The following ACP3 variants were observed in gnomAD, a reference collection of about 807,000 sequenced individuals.
ACP3 encodes prostatic acid phosphatase.
ACP3 carries 38 observed loss-of-function variants against 45.6 expected under a neutral mutation model. The ratio of observed to expected loss-of-function variants is 0.83; its 90% CI spans 0.64 to 1.09. The LOEUF is 1.09. ACP3 is among the 50% of genes least tolerant of loss of function. The probability of loss-of-function intolerance (pLI) is 0.00; values close to 1 mark genes in which losing one functional copy is unlikely to be tolerated. For missense variants in ACP3, 466 were observed against 463.2 expected, an observed-to-expected ratio of 1.01 and a Z score of -0.05; for synonymous variants, 162 against 164.7, an observed-to-expected ratio of 0.98 and a Z score of 0.13.
At chr3:132,336,552 A>C (rs55832174) in intron 4 of ACP3, among the ~76,000 whole-genome samples, 4,695 of 152,284 alleles carry the variant, frequency 0.031, 197 homozygotes, top group African/African-American at 0.099. Context: ...AATGGTTAAA[A>C]ATGAAGTTGA....
chr3:132,364,612 C>T (rs1007832184), intron 10 of ACP3, among the ~76,000 whole-genome samples: 5 of 152,188 alleles, frequency 3.3e-5, no homozygotes, highest in African/African-American at 1.2e-4. Flanking sequence ...ATTTCTTTTG[C>T]ACCTCCATTT....
chr3:132,327,514 G>GAAA (rs111653948), intron 1 of ACP3, among the ~76,000 whole-genome samples: 18 of 130,758 alleles, frequency 1.4e-4, no homozygotes, highest in African/African-American at 4.5e-4. Flanking sequence ...ACTCAGTCTC[G>GAAA]AAAAAAAAAA....
intron 1 of ACP3, among the ~76,000 whole-genome samples, chr3:132,317,780 G>GA (rs1553729354): frequency 6.6e-6 from 1 of 152,106 alleles, no homozygotes. Context: ...TTTGGTCGCT[G>GA]TTTTTTTAGG....
chr3:132,358,532 T>C lies in ACP3; in HGVS notation c.*1654T>C. 3 of 1,184,376 alleles carry C rather than the reference T, an allele frequency of 2.5e-6. No homozygotes were observed. The highest frequency in any genetic ancestry group is 3.2e-6 in the Non-Finnish European group (3 of 924,138). The allele number at this position is 1,184,376 out of a possible 1,614,324, so 73.4% of individuals were successfully genotyped here. A position where few individuals can be genotyped will look rare whatever the true frequency, so the allele number is the denominator to read the frequency against. On this transcript the variant is annotated 3_prime_UTR_variant, in exon 10 of 10. Coordinates refer to ENST00000336375, the MANE Select transcript of ACP3 (RefSeq NM_001099.5). ...ATTACCATTATGGATAAAGATGAGATGGTTTCTAGAGATGGTTTCTACTGG... is the reference window on the plus strand; with the variant it reads ...ATTACCATTATGGATAAAGATGAGACGGTTTCTAGAGATGGTTTCTACTGG...
chr3:132,328,394 T>C (rs1937339577), intron 2 of ACP3, 32 bp downstream of exon 2: 2 of 1,577,174 alleles, frequency 1.3e-6, no homozygotes, highest in South Asian at 2.2e-5. Flanking sequence ...AGATTGTTGA[T>C]GAAGCTGGGT....
chr3:132,332,066 G>A (rs2107799147), intron 3 of ACP3, 126 bp from the exon 4 acceptor site: 1 of 1,104,238 alleles, frequency 9.1e-7, no homozygotes. Flanking sequence ...TGATTCTGAT[G>A]TTAGCACAAT....
At chr3:132,349,850 C>A in intron 7 of ACP3, 70 bp from the exon 8 acceptor site, 1 of 1,128,318 alleles carries the variant, frequency 8.9e-7, no homozygotes, top group Non-Finnish European at 1.3e-6. Context: ...TATGAAGTGA[C>A]AAAAAGCTAA....
downstream of ACP3, among the ~76,000 whole-genome samples, chr3:132,362,835 C>A (rs1411663286): frequency 2.0e-5 from 3 of 152,206 alleles, no homozygotes; most frequent in African/African-American, 7.2e-5. Context: ...GTGTGGAGAG[C>A]TGAGGCTGCA....
At position 132,343,389 on chromosome 3, in the gene ACP3, C is replaced by T. The variant is rs309996; in HGVS notation, c.648+745C>T. 6.8e-3 allele frequency among the ~76,000 whole-genome samples: 1,032 copies of T among 152,308 alleles called. 8 individuals carry two copies. The highest frequency in any genetic ancestry group is 0.023 in the African/African-American group (972 of 41,560). ...GATGACACAGTTTGCCTCCATCCATCCTAAAGTTAATTGACCCAATCACAT... is the reference window on the plus strand; with the variant it reads ...GATGACACAGTTTGCCTCCATCCATTCTAAAGTTAATTGACCCAATCACAT... On this transcript the variant is annotated intron_variant, in intron 6 of 9. Coordinates refer to ENST00000336375, the MANE Select transcript of ACP3 (RefSeq NM_001099.5).
chr3:132,354,363 G>A (rs1056404718), intron 9 of ACP3, among the ~76,000 whole-genome samples: 2 of 152,088 alleles, frequency 1.3e-5, no homozygotes, highest in South Asian at 2.1e-4. Flanking sequence ...CTTGTTTTAC[G>A]ACCCTGAGTT....
rs1300786934 is a variant in ACP3, at chr3:132,352,831, A to G, written c.968+8A>G. 6.3e-7 allele frequency: 1 copy of G among 1,577,676 alleles called. No homozygotes were observed. On this transcript the variant is annotated splice_region_variant and intron_variant, in intron 9 of 9. Coordinates refer to ENST00000336375, the MANE Select transcript of ACP3 (RefSeq NM_001099.5). The stretch of plus-strand genomic sequence containing the variant: ...ATTGTACTTTGAGAAGGGGTAAGTG[A>G]CTAAGTGCTTTTCAAAATCAGTATC...
chr3:132,365,939 G>A (rs190205872), intron 10 of ACP3, among the ~76,000 whole-genome samples: 368 of 151,996 alleles, frequency 2.4e-3, no homozygotes, highest in Non-Finnish European at 3.5e-3. Flanking sequence ...GCAGTGAGCC[G>A]AGATGGTGCC....
chr3:132,332,385 A>G (rs1323726162), intron 4 of ACP3, 41 bp downstream of exon 4: 5 of 1,609,912 alleles, frequency 3.1e-6, no homozygotes, highest in Admixed American at 1.7e-5. Context: ...AGATGGACCT[A>G]GAATGAGGAA....
intron 5 of ACP3, among the ~76,000 whole-genome samples, chr3:132,338,785 C>CTATAG (rs1937521278): frequency 6.7e-6 from 1 of 150,014 alleles, no homozygotes; most frequent in Admixed American, 6.6e-5. Flanking sequence ...CAACATCGTG[C>CTATAG]TATAGTACTT....
intron 8 of ACP3, 122 bp downstream of exon 8, chr3:132,350,124 C>T: frequency 1.5e-6 from 1 of 661,104 alleles, no homozygotes; most frequent in Non-Finnish European, 2.6e-6. Context: ...GGCACTTGCA[C>T]AAAGCTTTTA....
In ACP3 at chr3:132,337,518, A is replaced by G. The variant is rs145309744; in HGVS notation, c.519A>G (p.Lys173=). ...AAGAACTTGAGAGTGAGACTTTGAA[A>G]TCAGAGGAATTCCAGAAGAGGCTGC... ...RFQELESETL[K]SEEFQKRLHP... is the part of the protein sequence containing the mutation. The change falls in exon 5 of 10, where the codon AAA becomes AAG. Residue 173 remains lysine, a synonymous_variant. Transcript: ENST00000336375. 843 of 1,611,020 alleles carry G rather than the reference A, an allele frequency of 5.2e-4. 3 individuals are homozygous for G. Among genetic ancestry groups the G allele is most frequent in the Non-Finnish European group, 6.6e-4 (776 of 1,177,622 alleles).
At chr3:132,332,616 G>A (rs1024617132) in intron 4 of ACP3, 3 of 305,136 alleles carry the variant, frequency 9.8e-6, no homozygotes, top group African/African-American at 2.1e-5. Flanking sequence ...CATACACAGA[G>A]AGAGAGAGAG....
Position 132,332,245 on chromosome 3 carries a change from C to A in ACP3, c.357C>A (p.Asn119Lys), listed in dbSNP as rs773723429. Reference sequence around the variant, plus strand: ...GGACTTTGATGAGTGCTATGACAAACCTGGCAGCCCTGTTTCCCCCAGAAG... The same window carrying A: ...GGACTTTGATGAGTGCTATGACAAAACTGGCAGCCCTGTTTCCCCCAGAAG... The part of the protein sequence containing the change: ...VDRTLMSAMT[N>K]LAALFPPEGV... Residue 119 changes from asparagine (N) to lysine (K), a missense_variant, in exon 4 of 10, where the codon AAC (asparagine) becomes AAA (lysine). Transcript: ENST00000336375. 3.1e-6 allele frequency: 5 copies of A among 1,614,104 alleles called. 1 individual carries two copies. The highest frequency in any genetic ancestry group is 3.3e-5 in the Admixed American group (2 of 60,022).
chr3:132,338,799 T>C (rs1937521362), intron 5 of ACP3, among the ~76,000 whole-genome samples: 2 of 151,556 alleles, frequency 1.3e-5, no homozygotes, highest in South Asian at 2.1e-4. Flanking sequence ...AGTACTTTTC[T>C]TCTTGTGATG....
Sources: gnomAD v4.1 joint callset for allele counts (sites outside exome capture counted in the v4.1 genomes callset) on GRCh38, gnomAD v4.1.1 for gene constraint, MANE v1.5 for transcripts, NCBI Gene and HGNC (gene_info 2026-07-23, HGNC 2026-07-21) for gene names.